The following GPC6 variants were observed in gnomAD, a reference collection of about 807,000 sequenced individuals.
The protein encoded by GPC6 is glypican 6, also known as glypican-6.
A neutral mutation model predicts 55.2 loss-of-function variants in GPC6; 14 were observed. That is an observed-to-expected ratio of 0.25 (90% CI 0.17 to 0.40). GPC6 has a LOEUF of 0.40. Among genes scored for constraint, GPC6 ranks in the 10% least tolerant of loss-of-function variants. GPC6 has a pLI of 1.00. For missense variants in GPC6, 641 were observed against 708.5 expected (o/e 0.90, Z 1.08); for synonymous variants, 278 against 259.6 (o/e 1.07, Z -0.68).
intron 1 of GPC6, among the ~76,000 whole-genome samples, chr13:93,262,871 G>A (rs1317831585): frequency 6.6e-6 from 1 of 152,196 alleles, no homozygotes; most frequent in Middle Eastern, 3.2e-3. Flanking sequence ...GTTCAGGGAT[G>A]AGTCAGTCAG....
At chr13:94,042,473 A>C (rs1316465708) in intron 4 of GPC6, among the ~76,000 whole-genome samples, 1 of 151,902 alleles carries the variant, frequency 6.6e-6, no homozygotes, top group Non-Finnish European at 1.5e-5. Context: ...CATGTGTCAG[A>C]ATCCAATCCA....
chr13:93,745,839 C>T (rs1476838077), intron 2 of GPC6, among the ~76,000 whole-genome samples: 2 of 152,096 alleles, frequency 1.3e-5, no homozygotes, highest in African/African-American at 2.4e-5. Flanking sequence ...ATTTTTGAGA[C>T]GAAACTCAAA....
At chr13:94,318,128 G>A (rs1374111105) in intron 6 of GPC6, among the ~76,000 whole-genome samples, 1 of 152,208 alleles carries the variant, frequency 6.6e-6, no homozygotes, top group Non-Finnish European at 1.5e-5. Flanking sequence ...TCATGGAAGA[G>A]TAGAGGGAAG....
chr13:93,866,376 T>C (rs1888964532), intron 3 of GPC6, among the ~76,000 whole-genome samples: 1 of 151,704 alleles, frequency 6.6e-6, no homozygotes, highest in Admixed American at 6.6e-5. Context: ...ATCTTTATAA[T>C]AGAATGTTTT....
chr13:93,811,907 C>A (rs1309854876), intron 2 of GPC6, among the ~76,000 whole-genome samples: 1 of 152,018 alleles, frequency 6.6e-6, no homozygotes, highest in Non-Finnish European at 1.5e-5. Context: ...GCATCCCTAC[C>A]CTGCAGCCAC....
chr13:93,610,571 C>T lies in GPC6; in HGVS notation c.319+65150C>T, dbSNP rs541878802. Among the ~76,000 whole-genome samples, 43 of 152,158 alleles carry T rather than the reference C, an allele frequency of 2.8e-4. 1 individual carries two copies. Among genetic ancestry groups the T allele is most frequent in the Non-Finnish European group, 5.6e-4 (38 of 67,996 alleles). On this transcript the variant is annotated intron_variant, in intron 2 of 8. Coordinates refer to ENST00000377047, the MANE Select transcript of GPC6 (RefSeq NM_005708.5). ...TCATGTTGGAGGATATACATATATA[C>T]ACACATACATGCATATACATATATA... is the stretch of plus-strand genomic sequence containing the variant.
intron 1 of GPC6, among the ~76,000 whole-genome samples, chr13:93,306,438 A>C (rs1878859046): frequency 6.6e-6 from 1 of 152,140 alleles, no homozygotes; most frequent in Non-Finnish European, 1.5e-5. Flanking sequence ...TACATTTAGA[A>C]AGCCCTTTTA....
intron 2 of GPC6, among the ~76,000 whole-genome samples, chr13:93,562,672 C>A (rs1450058440): frequency 6.6e-6 from 1 of 152,114 alleles, no homozygotes; most frequent in African/African-American, 2.4e-5. Flanking sequence ...TGGTTCATTT[C>A]TCAGAAGAAA....
chr13:93,308,014 G>T (rs1386275735), intron 1 of GPC6, among the ~76,000 whole-genome samples: 4 of 152,146 alleles, frequency 2.6e-5, no homozygotes, highest in Non-Finnish European at 4.4e-5. Context: ...GCCGGGCACG[G>T]TGGCTCACGT....
intron 2 of GPC6, among the ~76,000 whole-genome samples, chr13:93,674,585 C>A (rs1028935002): frequency 3.9e-5 from 6 of 152,158 alleles, no homozygotes; most frequent in African/African-American, 1.2e-4. Flanking sequence ...AGGCATGTAT[C>A]ACTTTATTTT....
intron 4 of GPC6, among the ~76,000 whole-genome samples, chr13:94,277,344 G>A (rs568159709): frequency 1.3e-5 from 2 of 151,628 alleles, no homozygotes; most frequent in South Asian, 4.2e-4. Flanking sequence ...TTTGTCAGAT[G>A]GGTAGATTGC....
intron 2 of GPC6, among the ~76,000 whole-genome samples, chr13:93,559,662 C>T (rs1029659673): frequency 3.3e-5 from 5 of 152,104 alleles, no homozygotes; most frequent in South Asian, 2.1e-4. Context: ...ATTTATACAG[C>T]GTTTATTAAG....
intron 1 of GPC6, among the ~76,000 whole-genome samples, chr13:93,305,907 T>C (rs1263706245): frequency 6.6e-6 from 1 of 152,198 alleles, no homozygotes; most frequent in Non-Finnish European, 1.5e-5. Flanking sequence ...CCATATGCAC[T>C]GAACTATATT....
At chr13:93,341,921 CTT>C (rs1228081773) in intron 1 of GPC6, among the ~76,000 whole-genome samples, 10 of 137,018 alleles carry the variant, frequency 7.3e-5, no homozygotes, top group Admixed American at 1.5e-4. Flanking sequence ...TTTTTTCTTT[CTT>C]TTTTTTTTTT....
At chr13:94,343,137 G>A (rs534419016) in intron 6 of GPC6, among the ~76,000 whole-genome samples, 3 of 152,142 alleles carry the variant, frequency 2.0e-5, no homozygotes, top group Admixed American at 6.5e-5. Flanking sequence ...CTATCACTCC[G>A]GGATCATCCA....
At chr13:93,565,134 C>T (rs1397464888) in intron 2 of GPC6, among the ~76,000 whole-genome samples, 7 of 152,176 alleles carry the variant, frequency 4.6e-5, no homozygotes, top group Non-Finnish European at 1.0e-4. Context: ...CCCCCAACTT[C>T]ACAGACTGTG....
At chr13:93,778,238 G>A (rs1316965763) in intron 2 of GPC6, among the ~76,000 whole-genome samples, 5 of 152,130 alleles carry the variant, frequency 3.3e-5, no homozygotes, top group Admixed American at 3.3e-4. Flanking sequence ...TCAAAAGAAT[G>A]TTGTTCTCCT....
intron 4 of GPC6, among the ~76,000 whole-genome samples, chr13:94,078,404 G>T (rs533224698): frequency 1.3e-5 from 2 of 151,754 alleles, no homozygotes; most frequent in African/African-American, 2.4e-5. Flanking sequence ...ACACAATAAA[G>T]ATTAGCGTAG....
chr13:94,034,770 G>A (rs73544035), intron 4 of GPC6, among the ~76,000 whole-genome samples: 2,832 of 151,868 alleles, frequency 0.019, 94 homozygotes, highest in African/African-American at 0.063. Flanking sequence ...CTGTGTAATC[G>A]AGATTTTCAA....
Sources: allele counts gnomAD v4.1 joint callset (sites outside exome capture counted in the v4.1 genomes callset), GRCh38; gene constraint gnomAD v4.1.1; transcripts MANE v1.5; gene names NCBI Gene and HGNC (gene_info 2026-07-23, HGNC 2026-07-21).